TOP1: variants seen among roughly 807,000 people sequenced by gnomAD.
The protein encoded by TOP1 is DNA topoisomerase I.
A neutral mutation model predicts 111.1 loss-of-function variants in TOP1; 10 were observed. The observed-to-expected ratio is 0.09, with a 90% confidence interval of 0.06 to 0.15. The LOEUF (loss-of-function observed/expected upper bound fraction) is 0.15, where lower values mean the gene tolerates loss of function less well. Among genes scored for constraint, TOP1 ranks in the 10% least tolerant of loss-of-function variants. The pLI is 1.00. For synonymous variants in TOP1, 271 were observed against 302.9 expected (o/e 0.89, Z 1.10); for missense variants, 474 against 926.7 (o/e 0.51, Z 6.34).
Position 41,115,986 on chromosome 20 carries a change from T to G in TOP1, c.1708-292T>G, listed in dbSNP as rs972470673. ...AGCTGCTTAGGAGCCTCAGAAGGAT[T>G]GCATGAGCCCGGGAGGTGGAGGCAG... On this transcript the variant is annotated intron_variant, in intron 16 of 20. Transcript: ENST00000361337. This position sits in a 1 kb window ranked among gnomAD's most constrained non-coding sequence, Gnocchi z 6.3. 2.6e-5 allele frequency among the ~76,000 whole-genome samples: 4 copies of G among 152,142 alleles called. No homozygotes were observed. Among genetic ancestry groups the G allele is most frequent in the Non-Finnish European group, 4.4e-5 (3 of 68,022 alleles).
In TOP1 at chr20:41,112,944, C is replaced by A. The variant is rs370473255; in HGVS notation, c.1452+19C>A. 7.3e-5 allele frequency: 117 copies of A among 1,612,206 alleles called. No individual in the cohort carries two copies. Among genetic ancestry groups the A allele is most frequent in the Non-Finnish European group, 9.6e-5 (113 of 1,178,816 alleles). ...CGACAAGGTGAGAGCATCTTCCCAT[C>A]GGCATTGTCTAGTGTTGAGCTTAAC... On this transcript the variant is annotated intron_variant, in intron 14 of 20. Transcript: ENST00000361337. The surrounding 1 kb of genome is among the most constrained non-coding windows in gnomAD (Gnocchi z 5.8).
intron 8 of TOP1, among the ~76,000 whole-genome samples, chr20:41,085,232 T>C (rs942772253): frequency 2.0e-5 from 3 of 152,206 alleles, no homozygotes; most frequent in African/African-American, 7.2e-5. Flanking sequence ...TTAATAAGCA[T>C]CTAAAAATGT....
At chr20:41,085,136 C>A (rs1264846420) in intron 8 of TOP1, among the ~76,000 whole-genome samples, 2 of 149,376 alleles carry the variant, frequency 1.3e-5, no homozygotes, top group African/African-American at 4.9e-5. Context: ...GGCTGATATT[C>A]CTAATATGAA....
Position 41,029,242 on chromosome 20 carries a change from C to A in TOP1, c.33+142C>A. 2.5e-6 allele frequency: 2 copies of A among 798,476 alleles called. No individual in the cohort carries two copies. The highest frequency in any genetic ancestry group is 2.6e-5 in the South Asian group (1 of 38,128). 49.5% of individuals were successfully genotyped at this position (798,476 alleles called of 1,614,324 possible). A position where few individuals can be genotyped will look rare whatever the true frequency, so the allele number is the denominator to read the frequency against. On this transcript the variant is annotated intron_variant, in intron 1 of 20. Coordinates refer to ENST00000361337, the MANE Select transcript of TOP1 (RefSeq NM_003286.4). This position sits in a 1 kb window ranked among gnomAD's most constrained non-coding sequence, Gnocchi z 6.1. Reference sequence around the variant, plus strand: ...TGAGGGGCCGCCTGCCGGAGTAGATCGGCTCGCTAGGCCGCGAGCGAGGGC... The same window carrying A: ...TGAGGGGCCGCCTGCCGGAGTAGATAGGCTCGCTAGGCCGCGAGCGAGGGC...
chr20:41,056,929 G>A (rs187372912), intron 2 of TOP1, among the ~76,000 whole-genome samples: 270 of 152,164 alleles, frequency 1.8e-3, no homozygotes, highest in African/African-American at 6.3e-3. Context: ...AAAACTTGGG[G>A]ACCTGGCTTA....
At chr20:41,031,143 G>T (rs988282262) in intron 2 of TOP1, among the ~76,000 whole-genome samples, 1 of 152,166 alleles carries the variant, frequency 6.6e-6, no homozygotes, top group East Asian at 1.9e-4. Flanking sequence ...TCAGGGGTTG[G>T]AGTGTTTCTT....
rs1169322651 is a variant in TOP1, at chr20:41,110,949, G to C, written c.1309-1833G>C. On this transcript the variant is annotated intron_variant, in intron 13 of 20. Coordinates refer to ENST00000361337, the MANE Select transcript of TOP1 (RefSeq NM_003286.4). The surrounding 1 kb of genome is among the most constrained non-coding windows in gnomAD (Gnocchi z 4.2). The stretch of plus-strand genomic sequence containing the variant: ...TCCACCTCCATCTCAGCTTATTTGA[G>C]AGAATCCTAGATCCTTGGTGCAGAA... Among the ~76,000 whole-genome samples the C allele has an allele frequency of 6.6e-6, 1 of 152,214 alleles. No homozygotes were observed. The highest frequency in any genetic ancestry group is 1.5e-5 in the Non-Finnish European group (1 of 68,042).
At chr20:41,090,493 T>A (rs2033906799) in intron 8 of TOP1, among the ~76,000 whole-genome samples, 1 of 152,134 alleles carries the variant, frequency 6.6e-6, no homozygotes, top group African/African-American at 2.4e-5. Context: ...GTTTTTAAGT[T>A]CAGTGAAGTT....
intron 7 of TOP1, among the ~76,000 whole-genome samples, chr20:41,084,195 A>T (rs2033820331): frequency 6.6e-6 from 1 of 152,140 alleles, no homozygotes; most frequent in Admixed American, 6.5e-5. Flanking sequence ...GAGGTTAAAA[A>T]AAAAAAAGTT....
rs891198779 is a variant in TOP1 at position 41,092,373 on chromosome 20, C to G, written c.615-99C>G. On this transcript the variant is annotated intron_variant, in intron 8 of 20. Coordinates refer to ENST00000361337, the MANE Select transcript of TOP1 (RefSeq NM_003286.4). This position sits in a 1 kb window ranked among gnomAD's most constrained non-coding sequence, Gnocchi z 4.3. ...GAGGCCCAGAAGTCATTCCAGAGCA[C>G]TAATCAGTTGAGCGGATAATTATTT... is the stretch of plus-strand genomic sequence containing the variant. 1.8e-6 allele frequency: 1 copy of G among 558,168 alleles called. No individual in the cohort carries two copies. The allele number at this position is 558,168 out of a possible 1,614,324, so 34.6% of individuals were successfully genotyped here. A position where few individuals can be genotyped will look rare whatever the true frequency, so the allele number is the denominator to read the frequency against.
chr20:41,103,681 A>G (rs2034099426), intron 13 of TOP1, among the ~76,000 whole-genome samples: 1 of 152,096 alleles, frequency 6.6e-6, no homozygotes, highest in African/African-American at 2.4e-5. Context: ...GTACCTGAAG[A>G]TCTGGCTGGC....
At position 41,029,157 on chromosome 20, in the gene TOP1, C is replaced by G; in HGVS notation, c.33+57C>G. 7.4e-7 allele frequency: 1 copy of G among 1,343,336 alleles called. No homozygotes were observed. Among genetic ancestry groups the G allele is most frequent in the Non-Finnish European group, 9.8e-7 (1 of 1,023,110 alleles). The allele number at this position is 1,343,336 out of a possible 1,614,324, so 83.2% of individuals were successfully genotyped here. ...ACCCCGGCCTGGCCGTCCCGCGACCCCCGGCGCAGGCCCCGACCCCAGCCC... is the reference window on the plus strand; with the variant it reads ...ACCCCGGCCTGGCCGTCCCGCGACCGCCGGCGCAGGCCCCGACCCCAGCCC... On this transcript the variant is annotated intron_variant, in intron 1 of 20. Coordinates refer to ENST00000361337, the MANE Select transcript of TOP1 (RefSeq NM_003286.4). The surrounding 1 kb of genome is among the most constrained non-coding windows in gnomAD (Gnocchi z 6.1).
chr20:41,081,057 C>A, intron 6 of TOP1, 108 bp from the exon 7 acceptor site: 1 of 913,430 alleles, frequency 1.1e-6, no homozygotes, highest in Non-Finnish European at 1.6e-6. Context: ...CCAAGAATAA[C>A]AGTGATTACT....
chr20:41,059,018 G>T (rs2033509704), intron 2 of TOP1, among the ~76,000 whole-genome samples: 4 of 152,066 alleles, frequency 2.6e-5, no homozygotes, highest in Admixed American at 2.6e-4. Context: ...TCCTTTGCAG[G>T]AACATGGATG....
chr20:41,105,590 C>T (rs761913673), intron 13 of TOP1, among the ~76,000 whole-genome samples: 3 of 152,132 alleles, frequency 2.0e-5, no homozygotes, highest in South Asian at 2.1e-4. Context: ...CTCTGCCTCC[C>T]GGATTCAAGT....
intron 17 of TOP1, among the ~76,000 whole-genome samples, chr20:41,117,025 T>C (rs1368850484): frequency 6.6e-6 from 1 of 152,174 alleles, no homozygotes; most frequent in Non-Finnish European, 1.5e-5. Flanking sequence ...AAAACAATTT[T>C]TTTGGATGGC....
intron 2 of TOP1, among the ~76,000 whole-genome samples, chr20:41,038,035 T>C (rs2033211099): frequency 6.6e-6 from 1 of 152,224 alleles, no homozygotes; most frequent in South Asian, 2.1e-4. Context: ...TTGTTAATGC[T>C]CTGTAGCTCC....
In TOP1 at chr20:41,029,617, C is replaced by T. The variant is rs1166014173; in HGVS notation, c.58+162C>T. 5 of 685,958 alleles carry T rather than the reference C, an allele frequency of 7.3e-6. No individual in the cohort carries two copies. The highest frequency in any genetic ancestry group is 4.7e-5 in the South Asian group (3 of 64,008). 42.5% of individuals were successfully genotyped at this position (685,958 alleles called of 1,614,324 possible). On this transcript the variant is annotated intron_variant, in intron 2 of 20. Coordinates refer to ENST00000361337, the MANE Select transcript of TOP1 (RefSeq NM_003286.4). The surrounding 1 kb of genome is among the most constrained non-coding windows in gnomAD (Gnocchi z 6.1). ...TTCCCATCGGGCCGCCTCTTGACCC[C>T]CTTTCCGGGGACCCCAGCTCCTCCA...
At chr20:41,041,034 A>T (rs1331836822) in intron 2 of TOP1, among the ~76,000 whole-genome samples, 1 of 152,100 alleles carries the variant, frequency 6.6e-6, no homozygotes, top group Non-Finnish European at 1.5e-5. Flanking sequence ...ATAGTCACAG[A>T]TACTCCATTT....
Sources: allele counts gnomAD v4.1 joint callset (sites outside exome capture counted in the v4.1 genomes callset), GRCh38; gene constraint gnomAD v4.1.1; non-coding constraint Gnocchi (gnomAD v3.1); transcripts MANE v1.5; gene names NCBI Gene and HGNC (gene_info 2026-07-23, HGNC 2026-07-21).